Variants in KIAA1958 observed in about 807,000 individuals in gnomAD.
The protein encoded by KIAA1958 is uncharacterized protein KIAA1958.
A neutral mutation model predicts 47.2 loss-of-function variants in KIAA1958; 14 were observed. The observed-to-expected ratio is 0.30, with a 90% CI of 0.20 to 0.46. The LOEUF is 0.46. KIAA1958 is among the 20% of genes least tolerant of loss of function. The pLI, the probability that KIAA1958 is intolerant of heterozygous loss-of-function variation, is 1.00. For synonymous variants in KIAA1958, 354 were observed against 353.3 expected, an observed-to-expected ratio of 1.00 and a Z score of -0.02; for missense variants, 803 against 909.2, an observed-to-expected ratio of 0.88 and a Z score of 1.50.
At chr9:112,550,692 C>T (rs1433917437) in intron 1 of KIAA1958, among the ~76,000 whole-genome samples, 1 of 152,186 alleles carries the variant, frequency 6.6e-6, no homozygotes, top group Non-Finnish European at 1.5e-5. Context: ...CTCCCAACGA[C>T]AATGCATGAC....
intron 2 of KIAA1958, among the ~76,000 whole-genome samples, chr9:112,631,741 T>TA (rs976531864): frequency 6.6e-6 from 1 of 152,174 alleles, no homozygotes; most frequent in Non-Finnish European, 1.5e-5. Flanking sequence ...ACTGCTTCCT[T>TA]ACAAAAATAT....
chr9:112,530,083 T>G (rs1345571188), intron 1 of KIAA1958, among the ~76,000 whole-genome samples: 1 of 152,178 alleles, frequency 6.6e-6, no homozygotes, highest in Non-Finnish European at 1.5e-5. Flanking sequence ...GACCTCGTGA[T>G]CCACCCGCCT....
chr9:112,498,203 T>C (rs1000316662), intron 1 of KIAA1958, among the ~76,000 whole-genome samples: 2 of 152,184 alleles, frequency 1.3e-5, no homozygotes, highest in African/African-American at 4.8e-5. Flanking sequence ...ATTTACCATA[T>C]AACTAAAGTT....
At chr9:112,531,778 T>A (rs1030478031) in intron 1 of KIAA1958, among the ~76,000 whole-genome samples, 2 of 152,246 alleles carry the variant, frequency 1.3e-5, no homozygotes, top group African/African-American at 2.4e-5. Flanking sequence ...TTTCGTATTT[T>A]AAAAAATCTG....
chr9:112,654,177 A>G (rs1387673066), intron 3 of KIAA1958, among the ~76,000 whole-genome samples: 1 of 152,214 alleles, frequency 6.6e-6, no homozygotes, highest in Non-Finnish European at 1.5e-5. Flanking sequence ...TTTGGAATTT[A>G]TCTCAAGGGC....
At position 112,500,837 on chromosome 9, in the gene KIAA1958, G is replaced by A. The variant is rs190142347; in HGVS notation, c.-25+13719G>A. Reference sequence around the variant, plus strand: ...TGAAAGTTTAAACTTGGTTGGGTTCGGTGGTTCATACCTGTAATCCCAGTA... The same window carrying A: ...TGAAAGTTTAAACTTGGTTGGGTTCAGTGGTTCATACCTGTAATCCCAGTA... On this transcript the variant is annotated intron_variant, in intron 1 of 3. Transcript: ENST00000337530. Among the ~76,000 whole-genome samples the A allele has an allele frequency of 1.8e-4, 28 of 152,102 alleles. No individual in the cohort carries two copies. The South Asian group carries it at 4.6e-3, about 25-fold the overall frequency.
At position 112,660,799 on chromosome 9, in the gene KIAA1958, A is replaced by C. The variant is rs1381295159; in HGVS notation, c.*730A>C. 1.3e-5 allele frequency: 2 copies of C among 152,238 alleles called. No homozygotes were observed. The highest frequency in any genetic ancestry group is 6.5e-5 in the Admixed American group (1 of 15,282). The allele number at this position is 152,238 out of a possible 1,614,324, so 9.4% of individuals were successfully genotyped here. A position where few individuals can be genotyped will look rare whatever the true frequency, so the allele number is the denominator to read the frequency against. ...TCTAGTGAACTAGACAGTTTGTACCATGAGGGAATTTCTAGTAGTGAAGGA... is the reference window on the plus strand; with the variant it reads ...TCTAGTGAACTAGACAGTTTGTACCCTGAGGGAATTTCTAGTAGTGAAGGA... On this transcript the variant is annotated 3_prime_UTR_variant, in exon 4 of 4. Coordinates refer to ENST00000337530, the MANE Select transcript of KIAA1958 (RefSeq NM_133465.4).
chr9:112,491,715 T>G (rs558216725), intron 1 of KIAA1958, among the ~76,000 whole-genome samples: 1 of 152,306 alleles, frequency 6.6e-6, no homozygotes, highest in African/African-American at 2.4e-5. Flanking sequence ...ATAACTCTTT[T>G]TAATTCTAAA....
At chr9:112,615,397 G>A (rs1420551202) in intron 2 of KIAA1958, among the ~76,000 whole-genome samples, 6 of 144,244 alleles carry the variant, frequency 4.2e-5, no homozygotes, top group Non-Finnish European at 9.1e-5. Flanking sequence ...TCCAGCCTGG[G>A]TGACAGAGCA....
intron 1 of KIAA1958, among the ~76,000 whole-genome samples, chr9:112,563,555 CTTAATA>C (rs1022156245): frequency 3.3e-5 from 5 of 150,614 alleles, no homozygotes; most frequent in African/African-American, 1.2e-4. Flanking sequence ...TAATTGAGCT[CTTAATA>C]TTAATCTTGT....
chr9:112,557,303 G>A (rs919013285), intron 1 of KIAA1958, among the ~76,000 whole-genome samples: 5 of 152,106 alleles, frequency 3.3e-5, no homozygotes, highest in Non-Finnish European at 7.4e-5. Flanking sequence ...CTTTGTTCAA[G>A]GTGCTAAAGA....
At position 112,659,659 on chromosome 9, in the gene KIAA1958, G is replaced by T. The variant is rs762088431; in HGVS notation, c.1741G>T (p.Gly581Cys). The T allele has an allele frequency of 6.2e-7, 1 of 1,614,036 alleles. No homozygotes were observed. Among genetic ancestry groups the T allele is most frequent in the East Asian group, 2.2e-5 (1 of 44,882 alleles). Residue 581 changes from glycine (G) to cysteine (C), a missense_variant, in exon 4 of 4, where the codon GGT becomes TGT. This residue lies in a region of KIAA1958 where 761 missense variants were observed against 829.3 expected (regional missense o/e 0.92). Coordinates refer to ENST00000337530, the MANE Select transcript of KIAA1958 (RefSeq NM_133465.4). ...TLQEHADLMY[G>C]DIELLKDPQN... ...GCAGGAGCATGCGGATCTGATGTAT[G>T]GTGACATCGAGCTGCTCAAAGACCC...
rs374059687 is a variant in KIAA1958, at chr9:112,660,090, A to T, written c.*21A>T. The T allele has an allele frequency of 3.9e-5, 63 of 1,604,302 alleles. No individual in the cohort carries two copies. The highest frequency in any genetic ancestry group is 5.4e-5 in the Non-Finnish European group (63 of 1,175,468). ...AGTGAGCCCCCACTGGGGCCCGGCC[A>T]CTGCCCTGTCACCTGCTCGGGCCAG... On this transcript the variant is annotated 3_prime_UTR_variant, in exon 4 of 4. Transcript: ENST00000337530.
At chr9:112,539,275 A>G (rs912121110) in intron 1 of KIAA1958, among the ~76,000 whole-genome samples, 1 of 152,230 alleles carries the variant, frequency 6.6e-6, no homozygotes, top group African/African-American at 2.4e-5. Context: ...TTGATAACAG[A>G]AGGTAGAAAC....
At chr9:112,605,544 T>C (rs985913518) in intron 2 of KIAA1958, among the ~76,000 whole-genome samples, 2 of 152,148 alleles carry the variant, frequency 1.3e-5, no homozygotes, top group African/African-American at 4.8e-5. Flanking sequence ...AATGGGTAGG[T>C]TTGTATCATA....
chr9:112,565,501 A>G (rs948371677), intron 1 of KIAA1958, among the ~76,000 whole-genome samples: 1 of 152,192 alleles, frequency 6.6e-6, no homozygotes, highest in East Asian at 1.9e-4. Context: ...ACCTGAAGTT[A>G]TTTTTTAATT....
intron 1 of KIAA1958, among the ~76,000 whole-genome samples, chr9:112,527,611 T>G (rs1834680012): frequency 6.6e-6 from 1 of 152,080 alleles, no homozygotes; most frequent in Non-Finnish European, 1.5e-5. Flanking sequence ...GGGGAATTGT[T>G]TGAAGGGGTC....
intron 3 of KIAA1958, among the ~76,000 whole-genome samples, chr9:112,651,034 C>A (rs1837047675): frequency 6.6e-6 from 1 of 152,108 alleles, no homozygotes. Flanking sequence ...GCACATGAAG[C>A]AAAAGATGAT....
intron 2 of KIAA1958, among the ~76,000 whole-genome samples, chr9:112,615,082 A>G (rs537676553): frequency 3.3e-4 from 50 of 152,306 alleles, no homozygotes; most frequent in African/African-American, 1.2e-3. Context: ...ATATGTTTCA[A>G]TCAATTTACT....
Sources: allele counts gnomAD v4.1 joint callset (sites outside exome capture counted in the v4.1 genomes callset), GRCh38; gene constraint gnomAD v4.1.1; regional missense constraint gnomAD v4.1.1; transcripts MANE v1.5; gene names NCBI Gene and HGNC (gene_info 2026-07-23, HGNC 2026-07-21).